BCAS3: variants seen among roughly 807,000 people sequenced by gnomAD.
BCAS3 encodes BCAS3 microtubule associated cell migration factor.
BCAS3 carries 53 observed loss-of-function variants against 116.1 expected under a neutral mutation model. That is an observed-to-expected ratio of 0.46 (90% CI 0.37 to 0.57). The LOEUF (loss-of-function observed/expected upper bound fraction) is 0.57. BCAS3 is among the 20% of genes least tolerant of loss of function. BCAS3 has a pLI of 0.00. For synonymous variants in BCAS3, 391 were observed against 408.2 expected, an observed-to-expected ratio of 0.96 and a Z score of 0.51; for missense variants, 917 against 1,165.4, an observed-to-expected ratio of 0.79 and a Z score of 3.10.
intron 6 of BCAS3, among the ~76,000 whole-genome samples, chr17:60,799,844 A>G (rs766601320): frequency 2.7e-5 from 4 of 149,904 alleles, no homozygotes; most frequent in African/African-American, 4.9e-5. Flanking sequence ...GCATGAGCCA[A>G]TGAGACACCG....
chr17:60,958,472 G>A (rs1355681254), intron 14 of BCAS3, among the ~76,000 whole-genome samples: 2 of 152,158 alleles, frequency 1.3e-5, no homozygotes, highest in Non-Finnish European at 2.9e-5. Flanking sequence ...AAAAAATCCA[G>A]AAGTGTATAC....
intron 22 of BCAS3, among the ~76,000 whole-genome samples, chr17:61,306,474 A>G (rs1170461736): frequency 1.3e-5 from 2 of 152,214 alleles, no homozygotes; most frequent in Non-Finnish European, 2.9e-5. Context: ...TAATTTTTAA[A>G]TATAATTCAA....
chr17:60,855,781 T>C (rs2053624284), intron 7 of BCAS3, among the ~76,000 whole-genome samples: 1 of 152,150 alleles, frequency 6.6e-6, no homozygotes, highest in South Asian at 2.1e-4. Context: ...ACCCCCAGCC[T>C]CAAGTGATCC....
chr17:60,751,248 T>G (rs962233896), intron 6 of BCAS3, among the ~76,000 whole-genome samples: 3 of 152,202 alleles, frequency 2.0e-5, no homozygotes, highest in African/African-American at 4.8e-5. Context: ...ATTTTCTTAA[T>G]GAACCTAGAT....
intron 13 of BCAS3, among the ~76,000 whole-genome samples, chr17:60,925,444 T>A (rs773080416): frequency 1.3e-5 from 2 of 152,244 alleles, no homozygotes; most frequent in Non-Finnish European, 2.9e-5. Context: ...GTAATGACTA[T>A]CAAGTATCTA....
rs9900411 is a variant in BCAS3 at position 61,327,028 on chromosome 17, G to A, written c.2426-41299G>A. On this transcript the variant is annotated intron_variant, in intron 22 of 23. Transcript: ENST00000407086. The surrounding 1 kb of genome is among the most constrained non-coding windows in gnomAD (Gnocchi z 5.9). ...TTTTAATTAAAAAACAAAACAGGCC[G>A]GGCGCGGTGGCTCACACCTGTAATC... is the stretch of plus-strand genomic sequence containing the variant. Among the ~76,000 whole-genome samples, 561 of 152,202 alleles carry A rather than the reference G, an allele frequency of 3.7e-3. 4 individuals are homozygous for A. The highest frequency in any genetic ancestry group is 0.012 in the African/African-American group (504 of 41,522).
At position 60,820,290 on chromosome 17, in the gene BCAS3, C is replaced by T. The variant is rs554806019; in HGVS notation, c.476+12214C>T. On this transcript the variant is annotated intron_variant, in intron 7 of 23. Coordinates refer to ENST00000407086, the MANE Select transcript of BCAS3 (RefSeq NM_017679.5). ...TTGATCTCCTGACCTTGTGATCTGCCCGCCTTGGCCTCCCAAAGTGCTGGG... is the reference window on the plus strand; with the variant it reads ...TTGATCTCCTGACCTTGTGATCTGCTCGCCTTGGCCTCCCAAAGTGCTGGG... Among the ~76,000 whole-genome samples the T allele has an allele frequency of 2.6e-5, 4 of 152,014 alleles. No homozygotes were observed. The South Asian group carries it at 8.3e-4, about 32-fold the overall frequency.
rs994625973 is a variant in BCAS3 at position 61,387,880 on chromosome 17, G to A, written c.2594-4097G>A. Among the ~76,000 whole-genome samples, 6 of 152,180 alleles carry A rather than the reference G, an allele frequency of 3.9e-5. No individual in the cohort carries two copies. Among genetic ancestry groups the A allele is most frequent in the Non-Finnish European group, 2.9e-5 (2 of 68,026 alleles). On this transcript the variant is annotated intron_variant, in intron 23 of 23. Coordinates refer to ENST00000407086, the MANE Select transcript of BCAS3 (RefSeq NM_017679.5). This position sits in a 1 kb window ranked among gnomAD's most constrained non-coding sequence, Gnocchi z 6.2. ...CACCACCCAGGGGACCACATCCCTG[G>A]AGAGTGCAAGGTCACAATGAGGTGA...
chr17:60,891,860 C>A, intron 10 of BCAS3: 1 of 378,604 alleles, frequency 2.6e-6, no homozygotes, highest in Non-Finnish European at 5.3e-6. Context: ...ATCATGTGTA[C>A]CCATTGTTTA....
rs1372161822 is a variant in BCAS3, at chr17:61,118,348, G to T, written c.2425+33784G>T. On this transcript the variant is annotated intron_variant, in intron 22 of 23. Transcript: ENST00000407086. The surrounding 1 kb of genome is among the most constrained non-coding windows in gnomAD (Gnocchi z 5.0). ...ATGATACAGTCAAAGTCCAAAAAGG[G>T]ATTCTCCCCTAGACCTCTTTCATAA... 6.6e-6 allele frequency among the ~76,000 whole-genome samples: 1 copy of T among 152,196 alleles called. No individual in the cohort carries two copies. The highest frequency in any genetic ancestry group is 1.5e-5 in the Non-Finnish European group (1 of 68,022).
chr17:61,275,215 T>C (rs1602353170), intron 22 of BCAS3, among the ~76,000 whole-genome samples: 1 of 152,292 alleles, frequency 6.6e-6, no homozygotes, highest in South Asian at 2.1e-4. Context: ...GAACATAAGA[T>C]CGATATGTAA....
chr17:60,958,351 A>G (rs1011284379), intron 14 of BCAS3, among the ~76,000 whole-genome samples: 1 of 152,210 alleles, frequency 6.6e-6, no homozygotes, highest in Non-Finnish European at 1.5e-5. Context: ...AAAGGATTTT[A>G]TTTTATTTTT....
At chr17:61,060,187 C>T (rs949823894) in intron 19 of BCAS3, among the ~76,000 whole-genome samples, 8 of 151,826 alleles carry the variant, frequency 5.3e-5, no homozygotes, top group South Asian at 2.1e-4. Flanking sequence ...AGTGCAGTGG[C>T]GCAATCTTGG....
intron 23 of BCAS3, chr17:61,384,440 C>G (rs1393188834): frequency 6.6e-6 from 1 of 152,298 alleles, no homozygotes; most frequent in Admixed American, 6.5e-5. Context: ...AGAGCAGACC[C>G]TCCCCTCCTG....
chr17:60,846,410 T>G (rs533845434), intron 7 of BCAS3, among the ~76,000 whole-genome samples: 1 of 152,342 alleles, frequency 6.6e-6, no homozygotes, highest in South Asian at 2.1e-4. Context: ...GTTGAAATAA[T>G]CTGTACTCTG....
chr17:61,198,304 C>A lies in BCAS3; in HGVS notation c.2425+113740C>A, dbSNP rs2080616518. Among the ~76,000 whole-genome samples, 1 of 152,008 alleles carries A rather than the reference C, an allele frequency of 6.6e-6. No homozygotes were observed. Among genetic ancestry groups the A allele is most frequent in the African/African-American group, 2.4e-5 (1 of 41,392 alleles). The stretch of plus-strand genomic sequence containing the variant: ...TACAGGCGCCAGCCACCACACCCAG[C>A]TAATTTTTTGCATTTTTAGTAGAGA... On this transcript the variant is annotated intron_variant, in intron 22 of 23. Coordinates refer to ENST00000407086, the MANE Select transcript of BCAS3 (RefSeq NM_017679.5). The surrounding 1 kb of genome is among the most constrained non-coding windows in gnomAD (Gnocchi z 5.0).
rs2058440132 is a variant in BCAS3 at position 60,910,628 on chromosome 17, A to G, written c.919A>G (p.Ser307Gly). Residue 307 changes from serine (S) to glycine (G), a missense_variant, in exon 12 of 24, where the codon AGT becomes GGT. Coordinates refer to ENST00000407086, the MANE Select transcript of BCAS3 (RefSeq NM_017679.5). Reference protein sequence around the residue: ...GVTEDDVAIHSNSRRSPLVPG... With the variant: ...GVTEDDVAIHGNSRRSPLVPG... ...GACAGAAGATGATGTTGCCATCCAC[A>G]GTAATTCACGGCGGAGTCCTTTGGT... 6.2e-7 allele frequency: 1 copy of G among 1,613,570 alleles called. No homozygotes were observed. Among genetic ancestry groups the G allele is most frequent in the African/African-American group, 1.3e-5 (1 of 74,880 alleles).
intron 12 of BCAS3, among the ~76,000 whole-genome samples, chr17:60,918,372 C>A (rs969995943): frequency 6.6e-6 from 1 of 152,046 alleles, no homozygotes; most frequent in Admixed American, 6.6e-5. Context: ...ATGCATAGAA[C>A]GTCTAATCAT....
At position 61,104,969 on chromosome 17, in the gene BCAS3, A is replaced by C. The variant is rs1174351372; in HGVS notation, c.2425+20405A>C. 6.6e-6 allele frequency among the ~76,000 whole-genome samples: 1 copy of C among 152,176 alleles called. No homozygotes were observed. The highest frequency in any genetic ancestry group is 2.4e-5 in the African/African-American group (1 of 41,440). On this transcript the variant is annotated intron_variant, in intron 22 of 23. Coordinates refer to ENST00000407086, the MANE Select transcript of BCAS3 (RefSeq NM_017679.5). The surrounding 1 kb of genome is among the most constrained non-coding windows in gnomAD (Gnocchi z 4.1). The stretch of plus-strand genomic sequence containing the variant: ...GGAATAGCTGAGAGTAGGAAAACTC[A>C]TGAGGCTTTTTCTCATCACAAGCTG...
Sources: gnomAD v4.1 joint callset for allele counts (sites outside exome capture counted in the v4.1 genomes callset) on GRCh38, gnomAD v4.1.1 for gene constraint, Gnocchi (gnomAD v3.1) non-coding constraint, MANE v1.5 for transcripts, NCBI Gene and HGNC (gene_info 2026-07-23, HGNC 2026-07-21) for gene names.